The following GRIK3 variants were observed in gnomAD, a reference collection of about 807,000 sequenced individuals.
GRIK3 encodes the protein glutamate receptor ionotropic, kainate 3.
In GRIK3, 29 loss-of-function variants were observed where a neutral mutation model predicts 102.5. The observed-to-expected ratio is 0.28, with a 90% CI of 0.21 to 0.39. GRIK3 has a LOEUF of 0.39. Ranked by LOEUF, GRIK3 falls within the 10% of genes least tolerant of loss-of-function variation. GRIK3 has a pLI of 1.00. For synonymous variants in GRIK3, 511 were observed against 504.9 expected, an observed-to-expected ratio of 1.01 and a Z score of -0.16; for missense variants, 908 against 1,252.4, an observed-to-expected ratio of 0.73 and a Z score of 4.15.
At chr1:37,004,441 C>CTT (rs1642510610) in intron 1 of GRIK3, among the ~76,000 whole-genome samples, 1 of 152,192 alleles carries the variant, frequency 6.6e-6, no homozygotes, top group Admixed American at 6.5e-5. Flanking sequence ...AGAAATTGAG[C>CTT]TTCGGGTTGT....
intron 2 of GRIK3, among the ~76,000 whole-genome samples, chr1:36,888,214 A>G (rs903354485): frequency 1.3e-5 from 2 of 152,258 alleles, no homozygotes; most frequent in Admixed American, 6.5e-5. Context: ...CTGTACATCA[A>G]TGAAGACCAG....
chr1:36,826,948 C>T (rs1642761880), intron 10 of GRIK3, among the ~76,000 whole-genome samples: 3 of 152,202 alleles, frequency 2.0e-5, no homozygotes. Flanking sequence ...CCCAATGAAA[C>T]CACTTCCTGC....
At chr1:36,974,162 C>T (rs1642172177) in intron 1 of GRIK3, among the ~76,000 whole-genome samples, 1 of 152,178 alleles carries the variant, frequency 6.6e-6, no homozygotes, top group African/African-American at 2.4e-5. Flanking sequence ...ACTCCTGCTT[C>T]CTCCCAAGTA....
In GRIK3 at chr1:36,798,207, G is replaced by A. The variant is rs1642391318; in HGVS notation, c.*3644C>T. The A allele has an allele frequency of 6.6e-6, 1 of 152,316 alleles. No homozygotes were observed. Among genetic ancestry groups the A allele is most frequent in the African/African-American group, 2.4e-5 (1 of 41,458 alleles). The allele number at this position is 152,316 out of a possible 1,614,324, so 9.4% of individuals were successfully genotyped here. A position where few individuals can be genotyped will look rare whatever the true frequency, so the allele number is the denominator to read the frequency against. ...TGATTGGGAGGGCTCACTGTCCTTA[G>A]TCCCAGGGCCTCGGCAGGGGCGGTG... On this transcript the variant is annotated 3_prime_UTR_variant, in exon 16 of 16. Coordinates refer to ENST00000373091, the MANE Select transcript of GRIK3 (RefSeq NM_000831.4).
intron 1 of GRIK3, among the ~76,000 whole-genome samples, chr1:36,996,476 C>T (rs1382059609): frequency 6.6e-6 from 1 of 152,188 alleles, no homozygotes; most frequent in Admixed American, 6.5e-5. Context: ...AGTGCCAAAA[C>T]CGGGACAAGC....
chr1:36,989,811 C>T (rs1642345805), intron 1 of GRIK3, among the ~76,000 whole-genome samples: 1 of 152,188 alleles, frequency 6.6e-6, no homozygotes, highest in Non-Finnish European at 1.5e-5. Context: ...TAACCCATAG[C>T]CTCTCCCATC....
chr1:36,919,582 C>T (rs1009646275), intron 1 of GRIK3, among the ~76,000 whole-genome samples: 8 of 152,018 alleles, frequency 5.3e-5, no homozygotes, highest in Non-Finnish European at 7.4e-5. Context: ...ATGGTCATGC[C>T]TGGCTAAGTC....
chr1:36,894,619 A>G (rs1641153048), intron 1 of GRIK3, among the ~76,000 whole-genome samples: 1 of 152,208 alleles, frequency 6.6e-6, no homozygotes. Flanking sequence ...AGATAGGTAA[A>G]TAGAGAGAAT....
At chr1:36,852,553 G>A (rs1455451773) in intron 8 of GRIK3, among the ~76,000 whole-genome samples, 1 of 152,222 alleles carries the variant, frequency 6.6e-6, no homozygotes, top group Admixed American at 6.5e-5. Flanking sequence ...GAGCAGGGCA[G>A]AGCTGTGCTT....
chr1:36,841,009 TG>T (rs1281084915), intron 10 of GRIK3, among the ~76,000 whole-genome samples: 1 of 152,210 alleles, frequency 6.6e-6, no homozygotes, highest in Non-Finnish European at 1.5e-5. Context: ...TTGAGTGACT[TG>T]CCCTTGTTCA....
intron 1 of GRIK3, among the ~76,000 whole-genome samples, chr1:36,985,909 C>A (rs1642298995): frequency 6.6e-6 from 1 of 152,102 alleles, no homozygotes; most frequent in African/African-American, 2.4e-5. Flanking sequence ...GTGAGTGTGG[C>A]CCCTTCCGGC....
In GRIK3 at chr1:36,832,593, A is replaced by G. The variant is rs543316214; in HGVS notation, c.1531-6767T>C. Among the ~76,000 whole-genome samples, 5 of 152,336 alleles carry G rather than the reference A, an allele frequency of 3.3e-5. No homozygotes were observed. The East Asian group carries it at 9.6e-4, about 29-fold the overall frequency. The stretch of plus-strand genomic sequence containing the variant: ...TACTAGTACCTGTGATTCATTCACC[A>G]GCTTCCTGAGCTGACAGCAGCCTCA... On this transcript the variant is annotated intron_variant, in intron 10 of 15. Transcript: ENST00000373091.
At chr1:37,032,811 C>T (rs556499734) in intron 1 of GRIK3, among the ~76,000 whole-genome samples, 33 of 152,284 alleles carry the variant, frequency 2.2e-4, no homozygotes, top group African/African-American at 6.5e-4. Flanking sequence ...GGAGACCCAC[C>T]CGCTGGGTTT....
intron 1 of GRIK3, among the ~76,000 whole-genome samples, chr1:36,897,132 T>C (rs1365897083): frequency 6.6e-6 from 1 of 152,174 alleles, no homozygotes; most frequent in African/African-American, 2.4e-5. Flanking sequence ...AACATTCTAC[T>C]GGAAGTTCTA....
intron 1 of GRIK3, among the ~76,000 whole-genome samples, chr1:36,897,799 T>A (rs1641189766): frequency 6.6e-6 from 1 of 152,142 alleles, no homozygotes; most frequent in South Asian, 2.1e-4. Flanking sequence ...AGATATATGC[T>A]CCAAAGAAAG....
chr1:36,858,589 G>A (rs912371188), intron 7 of GRIK3, among the ~76,000 whole-genome samples: 1 of 152,188 alleles, frequency 6.6e-6, no homozygotes, highest in African/African-American at 2.4e-5. Context: ...GGTCCCAGTG[G>A]GGGTGCTGGC....
At chr1:36,893,816 A>G (rs1218658265) in intron 1 of GRIK3, among the ~76,000 whole-genome samples, 1 of 152,190 alleles carries the variant, frequency 6.6e-6, no homozygotes, top group East Asian at 1.9e-4. Context: ...CAAAAATTTA[A>G]TGACACAGGA....
intron 1 of GRIK3, among the ~76,000 whole-genome samples, chr1:36,951,991 T>C (rs1641849907): frequency 6.6e-6 from 1 of 151,990 alleles, no homozygotes; most frequent in African/African-American, 2.4e-5. Context: ...GGGAAATGAA[T>C]GTTCCTGCCA....
intron 1 of GRIK3, among the ~76,000 whole-genome samples, chr1:36,988,291 A>G (rs1468259875): frequency 6.6e-6 from 1 of 152,082 alleles, no homozygotes; most frequent in Non-Finnish European, 1.5e-5. Context: ...ACTCTGTCTC[A>G]AAGAAGAAAA....
Sources: allele counts gnomAD v4.1 joint callset (sites outside exome capture counted in the v4.1 genomes callset), GRCh38; gene constraint gnomAD v4.1.1; transcripts MANE v1.5; gene names NCBI Gene and HGNC (gene_info 2026-07-23, HGNC 2026-07-21).